The following ZNF138 variants were observed in gnomAD, a reference collection of about 807,000 sequenced individuals.
The protein encoded by ZNF138 is zinc finger protein 138 (clone pHZ-32).
ZNF138 carries 33 observed loss-of-function variants against 33.0 expected under a neutral mutation model. That is an observed-to-expected ratio of 1.00 (90% CI 0.76 to 1.34). The LOEUF (loss-of-function observed/expected upper bound fraction) is 1.34, where lower values mean the gene tolerates loss of function less well. ZNF138 is among the 40% of genes most tolerant of loss of function. The pLI is 0.00. For synonymous variants in ZNF138, 139 were observed against 120.4 expected (o/e 1.15, Z -1.01); for missense variants, 360 against 370.8 (o/e 0.97, Z 0.24).
the ZNF138 span, chr7:64,852,755 G>T: frequency 1.1e-6 from 1 of 918,550 alleles, no homozygotes. Context: ...TGTCCCCAGG[G>T]GTTTTGTCAA....
intron 1 of ZNF138, among the ~76,000 whole-genome samples, chr7:64,807,419 A>G (rs1162028608): frequency 4.6e-5 from 7 of 152,214 alleles, no homozygotes; most frequent in Non-Finnish European, 4.4e-5. Context: ...CCAGGTTACA[A>G]TTCTCAAACT....
chr7:64,809,378 G>A (rs1380835758), intron 1 of ZNF138, among the ~76,000 whole-genome samples: 8 of 12,512 alleles, frequency 6.4e-4, no homozygotes, highest in African/African-American at 1.6e-3. Flanking sequence ...TCACTTCCCA[G>A]TAGGGGCAGC....
chr7:64,794,793 G>T (rs552697564), intron 1 of ZNF138, among the ~76,000 whole-genome samples: 1 of 152,264 alleles, frequency 6.6e-6, no homozygotes, highest in African/African-American at 2.4e-5. Context: ...CAGTGACTGT[G>T]CCCTGGCCTG....
the ZNF138 span, among the ~76,000 whole-genome samples, chr7:64,858,905 G>T: frequency 6.6e-6 from 1 of 151,952 alleles, no homozygotes; most frequent in Non-Finnish European, 1.5e-5. Context: ...GAACATTTAG[G>T]TTGATTCCAT....
intron 1 of ZNF138, among the ~76,000 whole-genome samples, chr7:64,802,525 AT>A (rs55700405): frequency 0.28 from 41,834 of 151,010 alleles, 7,040 homozygotes; most frequent in Middle Eastern, 0.37. Context: ...AAATATTTTG[AT>A]TTTTTTTTTC....
the ZNF138 span, among the ~76,000 whole-genome samples, chr7:64,843,562 T>A: frequency 5.9e-5 from 9 of 152,196 alleles, no homozygotes; most frequent in African/African-American, 2.2e-4. Context: ...TTTTTATGTG[T>A]CTCTTGACCA....
At chr7:64,812,889 G>A (rs1329446640) in intron 1 of ZNF138, among the ~76,000 whole-genome samples, 1 of 134,822 alleles carries the variant, frequency 7.4e-6, no homozygotes, top group African/African-American at 2.8e-5. Flanking sequence ...GTCTCAAATC[G>A]AGAACTGTGT....
chr7:64,857,798 A>G, the ZNF138 span, among the ~76,000 whole-genome samples: 1 of 152,254 alleles, frequency 6.6e-6, no homozygotes, highest in Admixed American at 6.5e-5. Flanking sequence ...TCATCGTTAA[A>G]GTCGCAATAG....
At chr7:64,844,916 A>G in the ZNF138 span, among the ~76,000 whole-genome samples, 2 of 152,100 alleles carry the variant, frequency 1.3e-5, no homozygotes, top group Non-Finnish European at 2.9e-5. Flanking sequence ...CGAACCCCTG[A>G]CCTCGTGATC....
the ZNF138 span, among the ~76,000 whole-genome samples, chr7:64,848,944 T>C: frequency 6.6e-6 from 1 of 152,134 alleles, no homozygotes; most frequent in East Asian, 1.9e-4. Flanking sequence ...GACCTCGTGA[T>C]CTGCCCAGCT....
At chr7:64,815,262 C>T (rs921188663) in intron 2 of ZNF138, among the ~76,000 whole-genome samples, 1 of 152,008 alleles carries the variant, frequency 6.6e-6, no homozygotes, top group Non-Finnish European at 1.5e-5. Context: ...TGATATGTAT[C>T]CTTCACTCTA....
chr7:64,816,331 A>G (rs550107250), intron 3 of ZNF138, among the ~76,000 whole-genome samples: 213 of 152,176 alleles, frequency 1.4e-3, no homozygotes, highest in Middle Eastern at 3.4e-3. Context: ...TTGAATCCAT[A>G]TAAATAAAAT....
chr7:64,799,850 A>C (rs1214798401), intron 1 of ZNF138, among the ~76,000 whole-genome samples: 3 of 152,042 alleles, frequency 2.0e-5, no homozygotes, highest in African/African-American at 7.2e-5. Context: ...CATGTTAGTC[A>C]GGCTGGTCTT....
the ZNF138 span, among the ~76,000 whole-genome samples, chr7:64,838,887 G>C: frequency 1.5e-5 from 2 of 135,374 alleles, no homozygotes; most frequent in Non-Finnish European, 3.4e-5. Flanking sequence ...AAAAAAGGAA[G>C]TAAGATGGCG....
intron 3 of ZNF138, among the ~76,000 whole-genome samples, chr7:64,822,041 C>T (rs956715092): frequency 6.7e-6 from 1 of 150,234 alleles, no homozygotes; most frequent in African/African-American, 2.5e-5. Context: ...GTCTCTGCCT[C>T]CCGAGTAGCT....
Position 64,831,572 on chromosome 7 carries a change from C to T in ZNF138, c.330C>T (p.Gly110=), listed in dbSNP as rs761266464. Residue 110 remains glycine (G), a synonymous_variant, in exon 4 of 4, where the codon GGC becomes GGT. Coordinates refer to ENST00000307355, the MANE Select transcript of ZNF138 (RefSeq NM_001271639.2). The stretch of plus-strand genomic sequence containing the variant: ...ATAAGAATTTACAGTTAAGAAAAGG[C>T]TGTAAAAGTGTGGATGAGTGTAAGG... ...YGHKNLQLRK[G]CKSVDECKGH... is the part of the protein sequence containing the mutation. The T allele has an allele frequency of 1.9e-6, 3 of 1,613,436 alleles. No individual in the cohort carries two copies. The South Asian group carries it at 3.3e-5, about 18-fold the overall frequency.
the ZNF138 span, among the ~76,000 whole-genome samples, chr7:64,841,829 A>G: frequency 1.3e-5 from 2 of 152,214 alleles, no homozygotes. Flanking sequence ...GAGTTTGCTT[A>G]TCAATATAAC....
chr7:64,804,625 TATAAA>T (rs373172681), intron 1 of ZNF138, among the ~76,000 whole-genome samples: 1,651 of 152,050 alleles, frequency 0.011, 34 homozygotes, highest in African/African-American at 0.036. Flanking sequence ...CTACTAAAAA[TATAAA>T]ATAAGCCAGG....
intron 3 of ZNF138, among the ~76,000 whole-genome samples, chr7:64,821,057 G>GT (rs71061314): frequency 0.97 from 141,879 of 146,740 alleles, 68,761 homozygotes; most frequent in East Asian, 1. Context: ...TTTGTTTTTG[G>GT]TTTTTTTGTT....
Sources: allele counts gnomAD v4.1 joint callset (sites outside exome capture counted in the v4.1 genomes callset), GRCh38; gene constraint gnomAD v4.1.1; transcripts MANE v1.5; gene names NCBI Gene and HGNC (gene_info 2026-07-23, HGNC 2026-07-21).